The following MEIS2 variants were observed in gnomAD, a reference collection of about 807,000 sequenced individuals.
The protein encoded by MEIS2 is Meis homeobox 2.
In MEIS2, 9 loss-of-function variants were observed where a neutral mutation model predicts 58.6. The observed-to-expected ratio is 0.15, with a 90% CI of 0.09 to 0.27. The LOEUF (loss-of-function observed/expected upper bound fraction) is 0.27. Among genes scored for constraint, MEIS2 ranks in the 10% least tolerant of loss-of-function variants. The pLI, the probability that MEIS2 is intolerant of heterozygous loss-of-function variation, is 1.00. For missense variants in MEIS2, 427 were observed against 635.0 expected, an observed-to-expected ratio of 0.67 and a Z score of 3.52; for synonymous variants, 221 against 228.4, an observed-to-expected ratio of 0.97 and a Z score of 0.29.
At chr15:36,969,908 T>A (rs769581973) in intron 8 of MEIS2, among the ~76,000 whole-genome samples, 4 of 151,998 alleles carry the variant, frequency 2.6e-5, no homozygotes, top group Non-Finnish European at 5.9e-5. Context: ...TTTTTTTTCT[T>A]TTCGCAAAAA....
At chr15:37,002,643 A>T (rs1365065301) in intron 8 of MEIS2, among the ~76,000 whole-genome samples, 2 of 151,816 alleles carry the variant, frequency 1.3e-5, no homozygotes, top group Non-Finnish European at 2.9e-5. Context: ...ATCTAGTAGC[A>T]TTTTTTTCTT....
rs760991030 is a variant in MEIS2, at chr15:36,892,462, G to A, written c.1148-3C>T. 10 of 1,557,770 alleles carry A rather than the reference G, an allele frequency of 6.4e-6. No homozygotes were observed. The highest frequency in any genetic ancestry group is 8.7e-6 in the Non-Finnish European group (10 of 1,150,434). Reference sequence around the variant, plus strand: ...GTCCCCTGGCATGCTCTGCAAACCTGAAAATAGAGAGGGAAAAAGAAAGCG... The same window carrying A: ...GTCCCCTGGCATGCTCTGCAAACCTAAAAATAGAGAGGGAAAAAGAAAGCG... On this transcript the variant is annotated splice_region_variant and splice_polypyrimidine_tract_variant and intron_variant, in intron 11 of 11. Transcript: ENST00000561208.
intron 8 of MEIS2, among the ~76,000 whole-genome samples, chr15:36,951,771 T>C (rs1022271820): frequency 1.3e-5 from 2 of 152,174 alleles, no homozygotes; most frequent in Non-Finnish European, 2.9e-5. Flanking sequence ...GATTGCGAGG[T>C]GTTGACACTT....
intron 7 of MEIS2, among the ~76,000 whole-genome samples, chr15:37,071,312 T>A (rs1247027115): frequency 6.6e-6 from 1 of 152,088 alleles, no homozygotes; most frequent in Non-Finnish European, 1.5e-5. Context: ...GAACCTCGTG[T>A]GTCCGAAATG....
chr15:36,961,968 A>G (rs1298196593), intron 8 of MEIS2, among the ~76,000 whole-genome samples: 4 of 152,214 alleles, frequency 2.6e-5, no homozygotes, highest in African/African-American at 9.6e-5. Flanking sequence ...TATTTCTTAC[A>G]AGGATTTAGG....
At chr15:37,075,358 G>A (rs1286965400) in intron 7 of MEIS2, among the ~76,000 whole-genome samples, 2 of 152,004 alleles carry the variant, frequency 1.3e-5, no homozygotes, top group African/African-American at 4.8e-5. Flanking sequence ...TACCTACAAC[G>A]AAATAATGCT....
chr15:36,985,693 T>C (rs1015809929), intron 8 of MEIS2, among the ~76,000 whole-genome samples: 3 of 152,202 alleles, frequency 2.0e-5, no homozygotes, highest in African/African-American at 7.2e-5. Context: ...TACTTTCTGT[T>C]CATTTGCTTC....
intron 8 of MEIS2, among the ~76,000 whole-genome samples, chr15:37,006,199 T>G (rs1426603082): frequency 6.6e-6 from 1 of 152,212 alleles, no homozygotes; most frequent in African/African-American, 2.4e-5. Flanking sequence ...TGCTGACTTT[T>G]GATAGTGATT....
chr15:37,052,758 C>A (rs916412677), intron 7 of MEIS2, among the ~76,000 whole-genome samples: 2 of 152,330 alleles, frequency 1.3e-5, no homozygotes, highest in East Asian at 3.9e-4. Context: ...AATAGAGTCA[C>A]CGCTGGTTGA....
At chr15:37,058,483 A>C (rs1354569088) in intron 7 of MEIS2, among the ~76,000 whole-genome samples, 1 of 152,192 alleles carries the variant, frequency 6.6e-6, no homozygotes, top group African/African-American at 2.4e-5. Context: ...CTGAGAGTAC[A>C]TTCCCACCTT....
At chr15:36,909,851 G>T (rs1366151765) in intron 9 of MEIS2, among the ~76,000 whole-genome samples, 1 of 151,184 alleles carries the variant, frequency 6.6e-6, no homozygotes, top group East Asian at 2.0e-4. Context: ...TGTGTGTGTG[G>T]GGGTGGGGGT....
At chr15:36,977,695 A>C (rs915735282) in intron 8 of MEIS2, among the ~76,000 whole-genome samples, 1 of 152,240 alleles carries the variant, frequency 6.6e-6, no homozygotes, top group Non-Finnish European at 1.5e-5. Flanking sequence ...ACAACAGCTG[A>C]CACAGAAAGC....
chr15:36,939,378 G>A (rs1232914689), intron 9 of MEIS2, among the ~76,000 whole-genome samples: 2 of 152,168 alleles, frequency 1.3e-5, no homozygotes, highest in African/African-American at 4.8e-5. Flanking sequence ...AACTAGTTTG[G>A]AAACAGAGCC....
chr15:36,927,291 G>A (rs186328412), intron 9 of MEIS2, among the ~76,000 whole-genome samples: 4 of 152,214 alleles, frequency 2.6e-5, no homozygotes, highest in Non-Finnish European at 1.5e-5. Flanking sequence ...TATAAACCAG[G>A]GGTACAGAAA....
chr15:36,947,577 C>T (rs1004982106), intron 9 of MEIS2, among the ~76,000 whole-genome samples: 22 of 151,934 alleles, frequency 1.4e-4, no homozygotes, highest in African/African-American at 3.6e-4. Context: ...GAACCAGAAC[C>T]GCAAGTCTTC....
intron 8 of MEIS2, among the ~76,000 whole-genome samples, chr15:36,997,746 G>C (rs2060576301): frequency 6.6e-6 from 1 of 152,162 alleles, no homozygotes. Context: ...CTCCCAAAGA[G>C]CTGGGATTAC....
chr15:36,990,509 A>G (rs1161895470), intron 8 of MEIS2, among the ~76,000 whole-genome samples: 1 of 152,146 alleles, frequency 6.6e-6, no homozygotes. Context: ...TCCTTTTGGC[A>G]TATCTGGAAA....
chr15:36,931,252 GACAA>G (rs1225429071), intron 9 of MEIS2, among the ~76,000 whole-genome samples: 2 of 152,192 alleles, frequency 1.3e-5, no homozygotes, highest in Non-Finnish European at 2.9e-5. Flanking sequence ...CATGGGGGAA[GACAA>G]ACAAACAGTT....
At chr15:36,931,288 G>A (rs111904528) in intron 9 of MEIS2, among the ~76,000 whole-genome samples, 3 of 152,292 alleles carry the variant, frequency 2.0e-5, no homozygotes, top group African/African-American at 7.2e-5. Flanking sequence ...AATAAATGCT[G>A]TTTTGTACAG....
Sources: gnomAD v4.1 joint callset for allele counts (sites outside exome capture counted in the v4.1 genomes callset) on GRCh38, gnomAD v4.1.1 for gene constraint, MANE v1.5 for transcripts, NCBI Gene and HGNC (gene_info 2026-07-23, HGNC 2026-07-21) for gene names.